LARGE1: variants seen among roughly 807,000 people sequenced by gnomAD.
The protein encoded by LARGE1 is xylosyl- and glucuronyltransferase LARGE1.
A neutral mutation model predicts 87.6 loss-of-function variants in LARGE1; 43 were observed. That is an observed-to-expected ratio of 0.49 (90% CI 0.38 to 0.63). The LOEUF (loss-of-function observed/expected upper bound fraction) is 0.63, where lower values mean the gene tolerates loss of function less well. Ranked by LOEUF, LARGE1 falls within the 30% of genes least tolerant of loss-of-function variation. The probability of loss-of-function intolerance (pLI) is 0.00; values close to 1 mark genes in which losing one functional copy is unlikely to be tolerated. For synonymous variants in LARGE1, 434 were observed against 394.6 expected (o/e 1.10, Z -1.18); for missense variants, 802 against 1,000.2 (o/e 0.80, Z 2.67).
At chr22:33,491,237 C>T (rs1489632117) in intron 6 of LARGE1, among the ~76,000 whole-genome samples, 9 of 152,192 alleles carry the variant, frequency 5.9e-5, no homozygotes, top group Non-Finnish European at 1.3e-4. Flanking sequence ...TTTAAAAGCT[C>T]GAGGGCACTA....
chr22:33,644,077 C>T (rs530700916), intron 3 of LARGE1, among the ~76,000 whole-genome samples: 47 of 152,298 alleles, frequency 3.1e-4, no homozygotes, highest in South Asian at 1.5e-3. Flanking sequence ...CAGCATCACC[C>T]TAACACCAAA....
intron 6 of LARGE1, among the ~76,000 whole-genome samples, chr22:33,440,444 C>T (rs370947741): frequency 6.6e-6 from 1 of 152,222 alleles, no homozygotes; most frequent in African/African-American, 2.4e-5. Context: ...TGCTGCTGAT[C>T]AAACCGGCTG....
chr22:33,453,842 GTTAT>G (rs1038533582), intron 6 of LARGE1, among the ~76,000 whole-genome samples: 3 of 152,200 alleles, frequency 2.0e-5, no homozygotes, highest in African/African-American at 4.8e-5. Flanking sequence ...GGAAAAACCA[GTTAT>G]TTGTCTTTTT....
At chr22:33,553,172 T>G (rs781506691) in intron 6 of LARGE1, among the ~76,000 whole-genome samples, 5 of 152,124 alleles carry the variant, frequency 3.3e-5, no homozygotes, top group Non-Finnish European at 5.9e-5. Flanking sequence ...CATCCTGAAC[T>G]GTTTAGAGGT....
At chr22:33,149,155 G>T in the LARGE1 span, among the ~76,000 whole-genome samples, 1 of 150,936 alleles carries the variant, frequency 6.6e-6, no homozygotes, top group Non-Finnish European at 1.5e-5. Context: ...TCCTGCCTCA[G>T]CCTCCCGAGT....
chr22:33,581,356 T>A (rs932439154), intron 5 of LARGE1, among the ~76,000 whole-genome samples: 1 of 152,210 alleles, frequency 6.6e-6, no homozygotes, highest in Non-Finnish European at 1.5e-5. Flanking sequence ...AATTCACATT[T>A]TGATACCTTT....
intron 6 of LARGE1, among the ~76,000 whole-genome samples, chr22:33,477,293 G>T (rs968679876): frequency 6.6e-6 from 1 of 152,060 alleles, no homozygotes; most frequent in African/African-American, 2.4e-5. Context: ...CCAAGAAAGG[G>T]TTTGCTGTCA....
the LARGE1 span, among the ~76,000 whole-genome samples, chr22:33,140,038 G>T: frequency 6.6e-6 from 1 of 152,204 alleles, no homozygotes; most frequent in Admixed American, 6.5e-5. Flanking sequence ...TCTGCCCTAT[G>T]AATGAGTTGG....
At chr22:33,125,995 G>A in the LARGE1 span, among the ~76,000 whole-genome samples, 29 of 152,246 alleles carry the variant, frequency 1.9e-4, no homozygotes, top group East Asian at 5.8e-4. Flanking sequence ...CAATCCACCC[G>A]ACTCAGCCTC....
chr22:33,659,744 T>TAAAAA (rs71187276), intron 2 of LARGE1, among the ~76,000 whole-genome samples: 8 of 122,040 alleles, frequency 6.6e-5, no homozygotes, highest in South Asian at 5.6e-4. Context: ...GAAGAACAGT[T>TAAAAA]AAAAAAAAAA....
At chr22:33,470,449 A>T (rs1326623040) in intron 6 of LARGE1, among the ~76,000 whole-genome samples, 1 of 152,190 alleles carries the variant, frequency 6.6e-6, no homozygotes, top group African/African-American at 2.4e-5. Flanking sequence ...TATTTCAGGT[A>T]TTGGGAATAA....
At chr22:33,196,940 C>A (rs1260285505) in intron 11 of LARGE1, among the ~76,000 whole-genome samples, 1 of 152,110 alleles carries the variant, frequency 6.6e-6, no homozygotes, top group African/African-American at 2.4e-5. Flanking sequence ...AACATACTAG[C>A]ATAATGTGTA....
intron 1 of LARGE1, among the ~76,000 whole-genome samples, chr22:33,775,391 C>G (rs1004463522): frequency 2.0e-5 from 3 of 152,202 alleles, no homozygotes; most frequent in Non-Finnish European, 4.4e-5. Flanking sequence ...AGCTGCTATG[C>G]GGCCTCACAC....
intron 2 of LARGE1, chr22:33,737,798 G>A (rs1356848363): frequency 6.6e-6 from 1 of 152,174 alleles, no homozygotes; most frequent in Admixed American, 6.5e-5. Context: ...GTAGTGATGT[G>A]GCTGGATTCT....
intron 11 of LARGE1, among the ~76,000 whole-genome samples, chr22:33,178,757 A>G (rs1392018595): frequency 6.6e-6 from 1 of 152,174 alleles, no homozygotes; most frequent in Non-Finnish European, 1.5e-5. Context: ...CTAATGCTGA[A>G]ACCATAAATA....
chr22:33,417,652 G>A (rs894845234), intron 7 of LARGE1, among the ~76,000 whole-genome samples: 2 of 152,182 alleles, frequency 1.3e-5, no homozygotes, highest in Admixed American at 6.5e-5. Flanking sequence ...TTAGAGTCTT[G>A]CAAGACCAAA....
chr22:33,752,586 T>C lies in LARGE1; in HGVS notation c.106+8785A>G, dbSNP rs1377853616. Among the ~76,000 whole-genome samples, 3 of 152,184 alleles carry C rather than the reference T, an allele frequency of 2.0e-5. No homozygotes were observed. In the East Asian group the frequency reaches 5.8e-4, roughly 29 times the overall value. On this transcript the variant is annotated intron_variant, in intron 2 of 14. Transcript: ENST00000397394. ...ACATCTAAATACAGTGCCTTTCTCA[T>C]GAGCTGTAAATGAAATGTTGGATAC... is the stretch of plus-strand genomic sequence containing the variant.
At chr22:33,674,584 C>T (rs949041813) in intron 2 of LARGE1, among the ~76,000 whole-genome samples, 2 of 152,180 alleles carry the variant, frequency 1.3e-5, no homozygotes, top group Admixed American at 6.5e-5. Flanking sequence ...CTCCCACTCT[C>T]AGTGCCCCAG....
chr22:33,604,678 A>G, intron 4 of LARGE1, 120 bp from the exon 5 acceptor site: 1 of 1,325,240 alleles, frequency 7.5e-7, no homozygotes, highest in African/African-American at 1.4e-5. Flanking sequence ...CAATTGTGAA[A>G]GTAAATCTGG....
Sources: allele counts gnomAD v4.1 joint callset (sites outside exome capture counted in the v4.1 genomes callset), GRCh38; gene constraint gnomAD v4.1.1; transcripts MANE v1.5; gene names NCBI Gene and HGNC (gene_info 2026-07-23, HGNC 2026-07-21).